Variants in PDE4D observed in about 807,000 individuals in gnomAD.
PDE4D encodes the protein 3',5'-cyclic-AMP phosphodiesterase 4D.
A neutral mutation model predicts 87.4 loss-of-function variants in PDE4D; 24 were observed. The ratio of observed to expected loss-of-function variants is 0.27; its 90% CI spans 0.20 to 0.39. The LOEUF is 0.39. Ranked by LOEUF, PDE4D falls within the 10% of genes least tolerant of loss-of-function variation. The pLI is 1.00. For missense variants in PDE4D, 714 were observed against 1,041.0 expected (o/e 0.69, Z 4.32); for synonymous variants, 384 against 383.2 (o/e 1.00, Z -0.02).
intron 1 of PDE4D, among the ~76,000 whole-genome samples, chr5:60,279,356 A>C (rs1421912500): frequency 6.6e-6 from 1 of 152,166 alleles, no homozygotes; most frequent in African/African-American, 2.4e-5. Context: ...CTCCACTGAC[A>C]CTGAGAATAG....
At chr5:60,092,078 A>T (rs6893778) in intron 2 of PDE4D, among the ~76,000 whole-genome samples, 59 of 144,010 alleles carry the variant, frequency 4.1e-4, no homozygotes, top group African/African-American at 1.5e-3. Context: ...AAAAAAAAAA[A>T]GAAAATGTGA....
intron 2 of PDE4D, among the ~76,000 whole-genome samples, chr5:60,029,791 A>C (rs1767020868): frequency 6.6e-6 from 1 of 152,078 alleles, no homozygotes; most frequent in African/African-American, 2.4e-5. Flanking sequence ...TGATTGTTGA[A>C]GTTAGGATGG....
intron 2 of PDE4D, among the ~76,000 whole-genome samples, chr5:60,081,667 G>A (rs1440310846): frequency 6.6e-6 from 1 of 152,020 alleles, no homozygotes; most frequent in East Asian, 1.9e-4. Context: ...TCATTCAGGA[G>A]CAGGTTGTTC....
chr5:59,134,679 A>C (rs1287451844), intron 5 of PDE4D, among the ~76,000 whole-genome samples: 1 of 152,230 alleles, frequency 6.6e-6, no homozygotes, highest in Non-Finnish European at 1.5e-5. Context: ...GTGCTTGCAC[A>C]TAATTATCCA....
rs533759511 is a variant in PDE4D, at chr5:59,359,078, A to T, written c.456-143110T>A. Among the ~76,000 whole-genome samples the T allele has an allele frequency of 2.0e-5, 3 of 152,328 alleles. No homozygotes were observed. In the South Asian group the frequency reaches 6.2e-4, roughly 32 times the overall value. Reference sequence around the variant, plus strand: ...TTAAAGGGATATTCAAATTTAATGGATATCTAATTGATAAGCTACAAGGAC... The same window carrying T: ...TTAAAGGGATATTCAAATTTAATGGTTATCTAATTGATAAGCTACAAGGAC... On this transcript the variant is annotated intron_variant, in intron 1 of 14. Coordinates refer to ENST00000340635, the MANE Select transcript of PDE4D (RefSeq NM_001104631.2).
intron 1 of PDE4D, among the ~76,000 whole-genome samples, chr5:59,602,767 A>T (rs1368251877): frequency 1.3e-5 from 2 of 152,170 alleles, no homozygotes; most frequent in Non-Finnish European, 2.9e-5. Flanking sequence ...CAAAGGCATC[A>T]CATTACCTGA....
At chr5:59,893,929 T>G, upstream of PDE4D, 1 of 629,842 alleles carries the variant, frequency 1.6e-6, no homozygotes, top group African/African-American at 1.9e-5. Context: ...GGTTGGTCCT[T>G]CTTCCTCCCT....
At chr5:59,072,195 C>T (rs1242485210) in intron 5 of PDE4D, among the ~76,000 whole-genome samples, 1 of 152,088 alleles carries the variant, frequency 6.6e-6, no homozygotes, top group African/African-American at 2.4e-5. Flanking sequence ...TTCAGAAATA[C>T]CTTGCACCAT....
intron 1 of PDE4D, among the ~76,000 whole-genome samples, chr5:60,476,065 G>A (rs188818690): frequency 1.2e-4 from 19 of 152,180 alleles, no homozygotes; most frequent in Admixed American, 7.2e-4. Flanking sequence ...TATAACCCTA[G>A]AGATTTTTGC....
chr5:59,465,968 G>GT (rs1209259183), intron 1 of PDE4D, among the ~76,000 whole-genome samples: 1 of 151,944 alleles, frequency 6.6e-6, no homozygotes, highest in Non-Finnish European at 1.5e-5. Flanking sequence ...GTTTTGTTTT[G>GT]TTTTTTTAGA....
chr5:59,492,864 T>C (rs948546789), intron 1 of PDE4D, among the ~76,000 whole-genome samples: 3 of 151,874 alleles, frequency 2.0e-5, no homozygotes, highest in African/African-American at 7.3e-5. Flanking sequence ...TAAAGAGGAG[T>C]TCCCCTGCAC....
intron 5 of PDE4D, among the ~76,000 whole-genome samples, chr5:59,090,807 C>CTT (rs61610340): frequency 4.8e-4 from 51 of 106,026 alleles, no homozygotes; most frequent in African/African-American, 1.6e-3. Flanking sequence ...TTTTCTTTTT[C>CTT]TTTTTTTTTT....
At chr5:59,000,621 C>G (rs1750319016) in intron 6 of PDE4D, among the ~76,000 whole-genome samples, 1 of 152,120 alleles carries the variant, frequency 6.6e-6, no homozygotes, top group South Asian at 2.1e-4. Context: ...AGCTAGGGCA[C>G]TGTGTATGCA....
chr5:59,283,341 A>G (rs1178913162), intron 1 of PDE4D, among the ~76,000 whole-genome samples: 1 of 152,064 alleles, frequency 6.6e-6, no homozygotes, highest in Non-Finnish European at 1.5e-5. Flanking sequence ...CCCTTTACAC[A>G]TAGCTTGTGT....
intron 1 of PDE4D, among the ~76,000 whole-genome samples, chr5:59,456,157 A>AG (rs1362386424): frequency 2.6e-5 from 4 of 152,150 alleles, no homozygotes; most frequent in Non-Finnish European, 5.9e-5. Flanking sequence ...GGGAGGTACC[A>AG]GGGGTGGAAT....
intron 1 of PDE4D, among the ~76,000 whole-genome samples, chr5:59,483,831 T>C (rs1804661619): frequency 6.6e-6 from 1 of 152,206 alleles, no homozygotes; most frequent in African/African-American, 2.4e-5. Flanking sequence ...CCTTTGCTGC[T>C]CCCTTTACCT....
At chr5:60,322,412 AC>A (rs1562323221) in intron 1 of PDE4D, among the ~76,000 whole-genome samples, 4 of 145,006 alleles carry the variant, frequency 2.8e-5, no homozygotes, top group African/African-American at 8.1e-5. Context: ...ACACACACAC[AC>A]ACAAAACCCT....
In PDE4D at chr5:59,356,761, T is replaced by C. The variant is rs759474918; in HGVS notation, c.456-140793A>G. 11 of 1,572,762 alleles carry C rather than the reference T, an allele frequency of 7.0e-6. 1 individual carries two copies. The South Asian group carries it at 1.3e-4, about 18-fold the overall frequency. On this transcript the variant is annotated intron_variant, in intron 1 of 14. Transcript: ENST00000340635. ...TACAAAAGGAAAAGAGTAATACCTG[T>C]AGGACTTTGAGAAACGCAATCTTGA...
intron 1 of PDE4D, among the ~76,000 whole-genome samples, chr5:59,512,410 A>G (rs1219333101): frequency 2.6e-5 from 4 of 152,142 alleles, no homozygotes; most frequent in African/African-American, 9.7e-5. Context: ...GGAGTCATGG[A>G]GCTCCATATG....
Sources: allele counts gnomAD v4.1 joint callset (sites outside exome capture counted in the v4.1 genomes callset), GRCh38; gene constraint gnomAD v4.1.1; transcripts MANE v1.5; gene names NCBI Gene and HGNC (gene_info 2026-07-23, HGNC 2026-07-21).